GRIK2: variants seen among roughly 807,000 people sequenced by gnomAD.
GRIK2 encodes glutamate ionotropic receptor kainate type subunit 2.
A neutral mutation model predicts 100.3 loss-of-function variants in GRIK2; 32 were observed. That is an observed-to-expected ratio of 0.32 (90% CI 0.24 to 0.43). GRIK2 has a LOEUF of 0.43. GRIK2 is among the 20% of genes least tolerant of loss of function. The pLI is 1.00. For synonymous variants in GRIK2, 417 were observed against 389.4 expected, an observed-to-expected ratio of 1.07 and a Z score of -0.83; for missense variants, 843 against 1,114.9, an observed-to-expected ratio of 0.76 and a Z score of 3.47.
intron 7 of GRIK2, among the ~76,000 whole-genome samples, chr6:101,743,492 A>G (rs1157706139): frequency 6.6e-6 from 1 of 152,216 alleles, no homozygotes; most frequent in African/African-American, 2.4e-5. Flanking sequence ...AAACTTATTT[A>G]GACCAGCTAA....
chr6:101,679,635 A>G (rs1771094844), intron 5 of GRIK2, among the ~76,000 whole-genome samples: 1 of 152,198 alleles, frequency 6.6e-6, no homozygotes, highest in Non-Finnish European at 1.5e-5. Context: ...TTCTACTGGA[A>G]ATTATTAACT....
chr6:101,698,152 A>G (rs1772631277), intron 7 of GRIK2, among the ~76,000 whole-genome samples: 1 of 113,732 alleles, frequency 8.8e-6, no homozygotes, highest in African/African-American at 2.8e-5. Context: ...AGCTAGTTTA[A>G]TATCAAATTG....
At chr6:101,954,906 C>A (rs2128480371) in intron 14 of GRIK2, among the ~76,000 whole-genome samples, 1 of 152,210 alleles carries the variant, frequency 6.6e-6, no homozygotes, top group South Asian at 2.1e-4. Flanking sequence ...GCTTTTCAAT[C>A]ACTCCAGAGG....
At chr6:101,841,693 GGGGCA>G (rs1305834898) in intron 10 of GRIK2, among the ~76,000 whole-genome samples, 1 of 152,020 alleles carries the variant, frequency 6.6e-6, no homozygotes, top group East Asian at 1.9e-4. Flanking sequence ...ACTAAAACTT[GGGGCA>G]TAATTTCTCA....
rs10528480 is a variant in GRIK2 at position 101,556,321 on chromosome 6, A to ATTTTTTT, written c.116-65603_116-65597dup. Among the ~76,000 whole-genome samples the ATTTTTTT allele has an allele frequency of 4.4e-3, 259 of 59,380 alleles. 54 individuals carry two copies. The highest frequency in any genetic ancestry group is 6.5e-3 in the African/African-American group (116 of 17,906). The allele number at this position is 59,380 out of a possible 152,430, so 39.0% of individuals were successfully genotyped here. A position where few individuals can be genotyped will look rare whatever the true frequency, so the allele number is the denominator to read the frequency against. ...AATTGCACTATGTAATATATTGGTAATTTTTTTTTTTTTTTTTTTTTTTTT... is the reference window on the plus strand; with the variant it reads ...AATTGCACTATGTAATATATTGGTAATTTTTTTTTTTTTTTTTTTTTTTTTTTTTTTT... On this transcript the variant is annotated intron_variant, in intron 2 of 16. Coordinates refer to ENST00000369134, the MANE Select transcript of GRIK2 (RefSeq NM_021956.5).
intron 9 of GRIK2, among the ~76,000 whole-genome samples, chr6:101,807,559 A>G (rs1000154074): frequency 2.3e-4 from 35 of 152,020 alleles, no homozygotes; most frequent in African/African-American, 7.7e-4. Context: ...GGGAGTGGAA[A>G]AGTTTCATAG....
chr6:101,654,302 T>C (rs897139057), intron 4 of GRIK2, among the ~76,000 whole-genome samples: 1 of 152,100 alleles, frequency 6.6e-6, no homozygotes, highest in African/African-American at 2.4e-5. Flanking sequence ...TTGTTCCTAT[T>C]TTATTTTACT....
chr6:101,740,038 C>T (rs1454427926), intron 7 of GRIK2, among the ~76,000 whole-genome samples: 28 of 152,142 alleles, frequency 1.8e-4, no homozygotes, highest in Non-Finnish European at 2.9e-5. Context: ...CAACTTTGCT[C>T]TCTGGGAATG....
At chr6:101,988,130 TGTGCGCGCGCGC>T (rs1352518173) in intron 14 of GRIK2, among the ~76,000 whole-genome samples, 40 of 20,708 alleles carry the variant, frequency 1.9e-3, no homozygotes, top group African/African-American at 2.4e-3. Context: ...TGTGTGTGTG[TGTGCGCGCGCGC>T]GCGCGCGCGC....
intron 2 of GRIK2, among the ~76,000 whole-genome samples, chr6:101,440,070 A>G (rs539807146): frequency 1.0e-3 from 156 of 152,286 alleles, no homozygotes; most frequent in African/African-American, 3.5e-3. Context: ...GTAAGTGCCA[A>G]TGGAAGACAT....
At position 101,889,716 on chromosome 6, in the gene GRIK2, T is replaced by C; in HGVS notation, c.1601T>C (p.Met534Thr). 6.2e-7 allele frequency: 1 copy of C among 1,613,122 alleles called. No individual in the cohort carries two copies. The highest frequency in any genetic ancestry group is 8.5e-7 in the Non-Finnish European group (1 of 1,179,346). Residue 534 changes from methionine (M) to threonine (T), a missense_variant, in exon 12 of 17, where the codon ATG becomes ACG. Physicochemically the swap from Met to Thr is moderately conservative, Grantham distance 81. This residue lies in a region of GRIK2 where 237 missense variants were observed against 388.0 expected (regional missense o/e 0.61). Transcript: ENST00000369134. ...EKVIDFSKPF[M>T]TLGISILYRK... Reference sequence around the variant, plus strand: ...GTCATCGACTTTTCCAAGCCCTTTATGACACTTGGAATAAGTATTTTGTAC... The same window carrying C: ...GTCATCGACTTTTCCAAGCCCTTTACGACACTTGGAATAAGTATTTTGTAC...
At chr6:101,977,937 T>C (rs965565878) in intron 14 of GRIK2, among the ~76,000 whole-genome samples, 1 of 152,036 alleles carries the variant, frequency 6.6e-6, no homozygotes, top group African/African-American at 2.4e-5. Context: ...TGAAATGGAC[T>C]GAACAAAGTT....
At chr6:101,656,061 G>A (rs112082051) in intron 4 of GRIK2, among the ~76,000 whole-genome samples, 3,647 of 152,194 alleles carry the variant, frequency 0.024, 64 homozygotes, top group Middle Eastern at 0.062. Context: ...CCAGCACTTT[G>A]GGAGGCCAAG....
intron 14 of GRIK2, among the ~76,000 whole-genome samples, chr6:102,015,871 A>G (rs1174666922): frequency 6.6e-6 from 1 of 152,136 alleles, no homozygotes; most frequent in Non-Finnish European, 1.5e-5. Flanking sequence ...GATTTAGAAA[A>G]TCCAGTCCAG....
chr6:101,555,008 A>G (rs1308637926), intron 2 of GRIK2, among the ~76,000 whole-genome samples: 1 of 152,198 alleles, frequency 6.6e-6, no homozygotes, highest in East Asian at 1.9e-4. Context: ...ATTTCCACAT[A>G]ATTCCTGATT....
At chr6:102,064,486 C>A (rs749639037) in intron 16 of GRIK2, among the ~76,000 whole-genome samples, 1 of 147,392 alleles carries the variant, frequency 6.8e-6, no homozygotes, top group African/African-American at 2.5e-5. Context: ...TTCTCCACTT[C>A]TTTTCTTCTT....
chr6:101,463,091 A>G (rs1278182235), intron 2 of GRIK2, among the ~76,000 whole-genome samples: 1 of 152,214 alleles, frequency 6.6e-6, no homozygotes, highest in East Asian at 1.9e-4. Context: ...CAAATCATCT[A>G]TCAAAGTGTT....
At chr6:101,897,381 T>C (rs1235386652) in intron 12 of GRIK2, among the ~76,000 whole-genome samples, 1 of 151,812 alleles carries the variant, frequency 6.6e-6, no homozygotes, top group Non-Finnish European at 1.5e-5. Context: ...CAACATTTTT[T>C]CATAGCGGCA....
At chr6:102,001,375 G>A (rs1794933397) in intron 14 of GRIK2, among the ~76,000 whole-genome samples, 1 of 150,692 alleles carries the variant, frequency 6.6e-6, no homozygotes, top group Admixed American at 6.6e-5. Flanking sequence ...CCCCCCGACA[G>A]GCCCCAGTAT....
Sources: gnomAD v4.1 joint callset for allele counts (sites outside exome capture counted in the v4.1 genomes callset) on GRCh38, gnomAD v4.1.1 for gene constraint, gnomAD v4.1.1 regional missense constraint, MANE v1.5 for transcripts, NCBI Gene and HGNC (gene_info 2026-07-23, HGNC 2026-07-21) for gene names.